Variants in GAS2 observed in about 807,000 individuals in gnomAD.
GAS2 encodes the protein growth arrest-specific protein 2.
In GAS2, 20 loss-of-function variants were observed where a neutral mutation model predicts 37.5. That is an observed-to-expected ratio of 0.53 (90% CI 0.37 to 0.77). The LOEUF is 0.77. Among genes scored for constraint, GAS2 ranks in the 30% least tolerant of loss-of-function variants. The probability of loss-of-function intolerance (pLI) is 0.00; values close to 1 mark genes in which losing one functional copy is unlikely to be tolerated. For missense variants in GAS2, 336 were observed against 373.4 expected (o/e 0.90, Z 0.82); for synonymous variants, 144 against 132.2 (o/e 1.09, Z -0.61).
rs143869402 is a variant in GAS2, at chr11:22,708,297, G to A, written c.268-17995G>A. Among the ~76,000 whole-genome samples, 4 of 152,184 alleles carry A rather than the reference G, an allele frequency of 2.6e-5. No homozygotes were observed. In the East Asian group the frequency reaches 7.7e-4, roughly 29 times the overall value. ...TGAGATTGTGTTTATGTTTTTTAGT[G>A]ATTATTAAAATCCCCAAATTTTCAT... On this transcript the variant is annotated intron_variant, in intron 3 of 7. Transcript: ENST00000454584.
At chr11:22,725,295 C>T (rs1852148225) in intron 3 of GAS2, among the ~76,000 whole-genome samples, 1 of 152,000 alleles carries the variant, frequency 6.6e-6, no homozygotes, top group Non-Finnish European at 1.5e-5. Context: ...ATTCTTATCC[C>T]AGAATAGAAA....
chr11:22,715,475 A>AG (rs1333223057), intron 3 of GAS2, among the ~76,000 whole-genome samples: 4 of 149,254 alleles, frequency 2.7e-5, no homozygotes, highest in Non-Finnish European at 4.5e-5. Flanking sequence ...AAAAAAAAAA[A>AG]AAAAAAAAGA....
At chr11:22,661,163 G>C (rs1848910960) in intron 1 of GAS2, among the ~76,000 whole-genome samples, 1 of 152,136 alleles carries the variant, frequency 6.6e-6, no homozygotes, top group South Asian at 2.1e-4. Context: ...TCACTTATAA[G>C]TAAATTGTGC....
chr11:22,759,506 G>C (rs79383021), intron 7 of GAS2, among the ~76,000 whole-genome samples: 1 of 152,060 alleles, frequency 6.6e-6, no homozygotes. Context: ...AAAATAATTT[G>C]TCAAAGCCAA....
chr11:22,789,935 T>C (rs1464718210), intron 7 of GAS2, among the ~76,000 whole-genome samples: 5 of 152,218 alleles, frequency 3.3e-5, no homozygotes, highest in Non-Finnish European at 7.3e-5. Context: ...TTTATTTTTC[T>C]AACATGGTAT....
intron 3 of GAS2, among the ~76,000 whole-genome samples, chr11:22,705,114 CA>C (rs752818036): frequency 3.9e-5 from 6 of 152,058 alleles, no homozygotes; most frequent in Non-Finnish European, 8.8e-5. Context: ...GAGAAAAAGC[CA>C]AAATCTATAT....
At chr11:22,655,671 A>G (rs776564808) in intron 1 of GAS2, among the ~76,000 whole-genome samples, 1 of 152,232 alleles carries the variant, frequency 6.6e-6, no homozygotes, top group Non-Finnish European at 1.5e-5. Flanking sequence ...ATTTGGTTTC[A>G]CTTATAAAAT....
intron 1 of GAS2, among the ~76,000 whole-genome samples, chr11:22,645,539 A>G (rs1430650927): frequency 6.6e-6 from 1 of 152,028 alleles, no homozygotes; most frequent in African/African-American, 2.4e-5. Flanking sequence ...ACACACATAC[A>G]TATAAAATAT....
chr11:22,704,588 CATATATATATATATAT>C (rs3049395), intron 3 of GAS2, among the ~76,000 whole-genome samples: 20 of 90,510 alleles, frequency 2.2e-4, no homozygotes, highest in South Asian at 4.3e-4. Context: ...TGAAAATAAA[CATATATATATATATAT>C]ATATATATAT....
At chr11:22,686,634 C>G (rs1483887243) in intron 3 of GAS2, among the ~76,000 whole-genome samples, 1 of 142,776 alleles carries the variant, frequency 7.0e-6, no homozygotes, top group African/African-American at 2.6e-5. Context: ...TCTATAATCC[C>G]AGCTACTCAG....
chr11:22,731,072 T>G (rs549646619), intron 4 of GAS2, among the ~76,000 whole-genome samples: 16 of 151,922 alleles, frequency 1.1e-4, no homozygotes, highest in African/African-American at 2.9e-4. Flanking sequence ...TACTAAGATA[T>G]TTTAAGTAAC....
chr11:22,803,420 C>T (rs540606663), intron 7 of GAS2, among the ~76,000 whole-genome samples: 1 of 152,284 alleles, frequency 6.6e-6, no homozygotes, highest in South Asian at 2.1e-4. Flanking sequence ...ACACTACTTA[C>T]TACTTCTGAT....
intron 2 of GAS2, among the ~76,000 whole-genome samples, chr11:22,683,127 A>T (rs371421019): frequency 1.3e-4 from 19 of 151,434 alleles, no homozygotes; most frequent in African/African-American, 3.7e-4. Flanking sequence ...AACTACTTAA[A>T]AAGTAATTTG....
intron 1 of GAS2, among the ~76,000 whole-genome samples, chr11:22,651,039 T>C (rs1299059178): frequency 3.3e-5 from 5 of 152,220 alleles, no homozygotes; most frequent in Non-Finnish European, 5.9e-5. Flanking sequence ...TTTGGCATGA[T>C]TTTGCAGCAG....
intron 7 of GAS2, among the ~76,000 whole-genome samples, chr11:22,774,674 A>G (rs1855160769): frequency 6.6e-6 from 1 of 152,224 alleles, no homozygotes; most frequent in Admixed American, 6.5e-5. Context: ...TTAACAGCAG[A>G]GTTAAGGTAG....
At chr11:22,658,110 C>T (rs557082754) in intron 1 of GAS2, among the ~76,000 whole-genome samples, 21 of 151,986 alleles carry the variant, frequency 1.4e-4, no homozygotes, top group Admixed American at 1.3e-3. Context: ...ACTGCAACCT[C>T]CACCTCCCAG....
intron 3 of GAS2, among the ~76,000 whole-genome samples, chr11:22,713,806 G>T (rs2134096292): frequency 6.6e-6 from 1 of 152,192 alleles, no homozygotes; most frequent in Admixed American, 6.5e-5. Flanking sequence ...AATGCTAAGA[G>T]AATTATTCAC....
intron 3 of GAS2, among the ~76,000 whole-genome samples, chr11:22,687,073 T>C (rs559389978): frequency 1.4e-4 from 22 of 151,976 alleles, no homozygotes; most frequent in Admixed American, 2.6e-4. Context: ...GACTGTAATC[T>C]CAGCACTTTG....
intron 7 of GAS2, among the ~76,000 whole-genome samples, chr11:22,792,018 A>G (rs1202864398): frequency 1.3e-5 from 2 of 152,238 alleles, no homozygotes; most frequent in African/African-American, 2.4e-5. Flanking sequence ...ATGAAGTGAT[A>G]TGGATATGCA....
Sources: allele counts gnomAD v4.1 joint callset (sites outside exome capture counted in the v4.1 genomes callset), GRCh38; gene constraint gnomAD v4.1.1; transcripts MANE v1.5; gene names NCBI Gene and HGNC (gene_info 2026-07-23, HGNC 2026-07-21).